ANO3: variants seen among roughly 807,000 people sequenced by gnomAD.
ANO3 encodes anoctamin-3.
Under a neutral mutation model 144.8 loss-of-function variants are expected in ANO3, and 99 were observed. The ratio of observed to expected loss-of-function variants is 0.68; its 90% CI spans 0.58 to 0.81. ANO3 has a LOEUF of 0.81. Among genes scored for constraint, ANO3 ranks in the 30% least tolerant of loss-of-function variants. The probability of loss-of-function intolerance (pLI) is 0.00; values close to 1 mark genes in which losing one functional copy is unlikely to be tolerated. For missense variants in ANO3, 905 were observed against 1,202.2 expected (o/e 0.75, Z 3.66); for synonymous variants, 414 against 392.6 (o/e 1.05, Z -0.64).
upstream of ANO3, among the ~76,000 whole-genome samples, chr11:26,329,295 TACACACAC>T (rs201501181): frequency 1.4e-5 from 2 of 144,910 alleles, no homozygotes; most frequent in African/African-American, 2.6e-5. Context: ...TTTCTTTCTT[TACACACAC>T]ACACACACAC....
chr11:26,565,181 C>T (rs570539672), intron 14 of ANO3: 107 of 1,503,042 alleles, frequency 7.1e-5, no homozygotes, highest in Admixed American at 1.4e-4. Context: ...GGGGATCTGA[C>T]GTATTTGGAA....
chr11:26,213,081 C>A (rs1415598036), intron 1 of ANO3, among the ~76,000 whole-genome samples: 7 of 151,968 alleles, frequency 4.6e-5, no homozygotes, highest in African/African-American at 1.7e-4. Context: ...AAATTTAACA[C>A]CCCTTCATGT....
intron 18 of ANO3, among the ~76,000 whole-genome samples, chr11:26,629,680 G>A (rs546786098): frequency 3.3e-5 from 5 of 152,108 alleles, no homozygotes; most frequent in African/African-American, 7.2e-5. Flanking sequence ...TGCCCAGGCT[G>A]GAAGGCAATG....
intron 1 of ANO3, among the ~76,000 whole-genome samples, chr11:26,239,185 A>G (rs779894874): frequency 7.2e-4 from 109 of 152,006 alleles, no homozygotes; most frequent in Non-Finnish European, 1.2e-3. Context: ...AAATATTTAC[A>G]TAATAATGCA....
chr11:26,532,723 A>T (rs565219938), intron 8 of ANO3, among the ~76,000 whole-genome samples: 1 of 151,758 alleles, frequency 6.6e-6, no homozygotes, highest in Admixed American at 6.6e-5. Context: ...CCAAATCTTC[A>T]TATGGCGTAG....
intron 1 of ANO3, among the ~76,000 whole-genome samples, chr11:26,280,632 C>T (rs919492130): frequency 3.9e-5 from 6 of 152,316 alleles, no homozygotes; most frequent in African/African-American, 1.4e-4. Context: ...TCTGCCTTTC[C>T]CAGTCCACTG....
chr11:26,310,749 AGTATTATATTG>A (rs2133870345), intron 1 of ANO3, among the ~76,000 whole-genome samples: 1 of 152,292 alleles, frequency 6.6e-6, no homozygotes, highest in Non-Finnish European at 1.5e-5. Flanking sequence ...TAATTTTATT[AGTATTATATTG>A]GTATTATAGT....
At chr11:26,317,162 T>A (rs1054436620) in intron 1 of ANO3, among the ~76,000 whole-genome samples, 1 of 152,054 alleles carries the variant, frequency 6.6e-6, no homozygotes, top group Non-Finnish European at 1.5e-5. Context: ...ATAACATGGA[T>A]GCAGAGGGAC....
At chr11:26,312,518 CTT>C (rs1284089359) in intron 1 of ANO3, among the ~76,000 whole-genome samples, 1 of 152,166 alleles carries the variant, frequency 6.6e-6, no homozygotes, top group Admixed American at 6.5e-5. Flanking sequence ...TGTTTCTTGA[CTT>C]TTTAATGATC....
intron 1 of ANO3, among the ~76,000 whole-genome samples, chr11:26,223,117 T>C (rs1470932019): frequency 1.3e-5 from 2 of 152,146 alleles, no homozygotes; most frequent in East Asian, 3.9e-4. Flanking sequence ...CTTTTAAATA[T>C]GTTTCAATTT....
intron 17 of ANO3, among the ~76,000 whole-genome samples, chr11:26,600,839 T>C (rs1851782307): frequency 6.6e-6 from 1 of 152,022 alleles, no homozygotes; most frequent in Non-Finnish European, 1.5e-5. Flanking sequence ...CTTATTTAAC[T>C]TAAATCATCC....
At chr11:26,375,594 C>G (rs75776399) in intron 1 of ANO3, among the ~76,000 whole-genome samples, 10,701 of 152,142 alleles carry the variant, frequency 0.07, 668 homozygotes, top group African/African-American at 0.17. Flanking sequence ...AATTTTCTCC[C>G]GATCTTCTGT....
chr11:26,598,864 C>T lies in ANO3; in HGVS notation c.1537C>T (p.Leu513Phe). 1 of 1,612,820 alleles carries T rather than the reference C, an allele frequency of 6.2e-7. No homozygotes were observed. The highest frequency in any genetic ancestry group is 8.5e-7 in the Non-Finnish European group (1 of 1,179,640). ...ACTTTCGTTTCTCTCATAGGAAACA[C>T]TTCGTCCCCAGTTTGAAGCCAAGTA... ...LIEWEEEEET[L>F]RPQFEAKYYK... The change falls in exon 16 of 27, where the codon CTT (leucine) becomes TTT (phenylalanine). Residue 513 changes from leucine to phenylalanine, a missense_variant. Physicochemically the swap from Leu to Phe is conservative, Grantham distance 22. Around this residue, in one of 4 missense-constraint regions of ANO3, gnomAD observed 597 missense variants for 865.1 expected, o/e 0.69. Coordinates refer to ENST00000256737, the MANE Select transcript of ANO3 (RefSeq NM_031418.4).
At chr11:26,333,492 C>T (rs1268935861) in intron 1 of ANO3, among the ~76,000 whole-genome samples, 1 of 152,126 alleles carries the variant, frequency 6.6e-6, no homozygotes, top group African/African-American at 2.4e-5. Context: ...CCGTATTAGC[C>T]AGGATGGCCT....
In ANO3 at chr11:26,385,688, C is replaced by A. The variant is rs182410566; in HGVS notation, c.46+53367C>A. ...TGGGCCTATCGGGGTAATCCATATT[C>A]CTCTTCACATCTCAAGATCCTATAT... On this transcript the variant is annotated intron_variant, in intron 1 of 26. Transcript: ENST00000256737. 5.8e-3 allele frequency among the ~76,000 whole-genome samples: 888 copies of A among 152,042 alleles called. 5 individuals carry two copies. The highest frequency in any genetic ancestry group is 9.1e-3 in the Non-Finnish European group (621 of 68,002).
chr11:26,400,839 G>A (rs1196981166), intron 1 of ANO3, among the ~76,000 whole-genome samples: 1 of 81,284 alleles, frequency 1.2e-5, no homozygotes, highest in African/African-American at 4.5e-5. Context: ...TTGCTGCCTA[G>A]ATGAATATAT....
At chr11:26,565,303 C>T (rs1244661946) in intron 14 of ANO3, 2 of 1,597,468 alleles carry the variant, frequency 1.3e-6, no homozygotes, top group East Asian at 4.5e-5. Flanking sequence ...CCACTTGGTT[C>T]CACTATCAAG....
chr11:26,350,118 G>A (rs943660227), intron 1 of ANO3, among the ~76,000 whole-genome samples: 1 of 151,530 alleles, frequency 6.6e-6, no homozygotes, highest in Non-Finnish European at 1.5e-5. Context: ...TGGAGAAACC[G>A]ACAAATGCAA....
intron 1 of ANO3, among the ~76,000 whole-genome samples, chr11:26,212,458 A>G (rs112221027): frequency 0.023 from 3,454 of 152,164 alleles, 155 homozygotes; most frequent in African/African-American, 0.08. Context: ...GGATATCACC[A>G]CTGATACCAT....
Sources: allele counts gnomAD v4.1 joint callset (sites outside exome capture counted in the v4.1 genomes callset), GRCh38; gene constraint gnomAD v4.1.1; regional missense constraint gnomAD v4.1.1; transcripts MANE v1.5; gene names NCBI Gene and HGNC (gene_info 2026-07-23, HGNC 2026-07-21).